ELP4: variants seen among roughly 807,000 people sequenced by gnomAD.
The protein encoded by ELP4 is elongator complex protein 4.
In ELP4, 51 loss-of-function variants were observed where a neutral mutation model predicts 48.9. The ratio of observed to expected loss-of-function variants is 1.04; its 90% confidence interval spans 0.83 to 1.32. ELP4 has a LOEUF of 1.32. Ranked by LOEUF, ELP4 falls within the 40% of genes most tolerant of loss-of-function variation. ELP4 has a pLI of 0.00. For synonymous variants in ELP4, 210 were observed against 189.2 expected (o/e 1.11, Z -0.90); for missense variants, 519 against 514.6 (o/e 1.01, Z -0.08).
intron 5 of ELP4, among the ~76,000 whole-genome samples, chr11:31,611,040 A>G (rs1484795164): frequency 2.0e-5 from 3 of 152,126 alleles, no homozygotes; most frequent in South Asian, 2.1e-4. Context: ...GCTAGCCTAC[A>G]TTACCCACAT....
At chr11:31,618,664 T>G (rs1458498942) in intron 5 of ELP4, among the ~76,000 whole-genome samples, 2 of 152,080 alleles carry the variant, frequency 1.3e-5, no homozygotes, top group Admixed American at 1.3e-4. Flanking sequence ...TGATTTCGTT[T>G]GTGTGAAATA....
chr11:31,513,843 T>G (rs1956055834), intron 1 of ELP4, among the ~76,000 whole-genome samples: 1 of 152,220 alleles, frequency 6.6e-6, no homozygotes, highest in Non-Finnish European at 1.5e-5. Context: ...TGCAAGATCT[T>G]AAATTTTCTA....
intron 8 of ELP4, chr11:31,649,174 T>C (rs1277122553): frequency 1.3e-5 from 2 of 151,728 alleles, no homozygotes; most frequent in Admixed American, 1.3e-4. Flanking sequence ...CTAAGACTAA[T>C]AGATGCATTA....
At chr11:31,539,861 ATGTT>A in intron 3 of ELP4, 78 bp downstream of exon 3, 1 of 1,222,856 alleles carries the variant, frequency 8.2e-7, no homozygotes, top group Non-Finnish European at 1.1e-6. Context: ...AACAAGATAT[ATGTT>A]TGTATATATA....
chr11:31,560,293 T>A (rs1565053447), intron 3 of ELP4, among the ~76,000 whole-genome samples: 1 of 152,146 alleles, frequency 6.6e-6, no homozygotes, highest in Admixed American at 6.5e-5. Flanking sequence ...GAAATAATAA[T>A]GATAGTAAAG....
At chr11:31,545,163 A>G (rs1370188842) in intron 3 of ELP4, among the ~76,000 whole-genome samples, 2 of 152,242 alleles carry the variant, frequency 1.3e-5, no homozygotes, top group South Asian at 2.1e-4. Flanking sequence ...TTGAGAGAAG[A>G]AGGCTTCAGA....
intron 5 of ELP4, among the ~76,000 whole-genome samples, chr11:31,626,656 AGTTT>A (rs1944750323): frequency 6.6e-6 from 1 of 151,834 alleles, no homozygotes; most frequent in African/African-American, 2.4e-5. Context: ...TTATTTTAGA[AGTTT>A]GTTCTAAGAA....
intron 9 of ELP4, among the ~76,000 whole-genome samples, chr11:31,740,984 TC>T (rs1221203166): frequency 6.6e-6 from 1 of 152,162 alleles, no homozygotes; most frequent in Non-Finnish European, 1.5e-5. Context: ...GAATTCCCTT[TC>T]CTAGTCAAAG....
At chr11:31,563,542 C>G (rs1391557595) in intron 3 of ELP4, among the ~76,000 whole-genome samples, 2 of 152,042 alleles carry the variant, frequency 1.3e-5, no homozygotes, top group Non-Finnish European at 2.9e-5. Context: ...TACATAAATA[C>G]TGGAATAATA....
At chr11:31,660,124 A>T (rs753252570) in intron 9 of ELP4, among the ~76,000 whole-genome samples, 5 of 152,208 alleles carry the variant, frequency 3.3e-5, no homozygotes, top group Non-Finnish European at 7.3e-5. Context: ...TATATGAATG[A>T]AAAAAGCTTA....
chr11:31,674,942 A>G (rs192140070), intron 9 of ELP4, among the ~76,000 whole-genome samples: 1 of 148,506 alleles, frequency 6.7e-6, no homozygotes, highest in African/African-American at 2.5e-5. Flanking sequence ...GTACCTAGTT[A>G]AAAAAAAAAG....
At chr11:31,605,328 A>C (rs1239632686) in intron 5 of ELP4, among the ~76,000 whole-genome samples, 1 of 152,056 alleles carries the variant, frequency 6.6e-6, no homozygotes, top group African/African-American at 2.4e-5. Flanking sequence ...AGCTCACTAA[A>C]TTTTTGTTAA....
intron 8 of ELP4, 77 bp from the exon 9 acceptor site, chr11:31,650,038 C>G: frequency 3.5e-6 from 2 of 577,236 alleles, no homozygotes; most frequent in Non-Finnish European, 6.3e-6. Flanking sequence ...TTACAGGATT[C>G]TGCTATAAGA....
intron 9 of ELP4, among the ~76,000 whole-genome samples, chr11:31,714,452 G>A (rs1342341235): frequency 1.3e-5 from 2 of 152,152 alleles, no homozygotes; most frequent in Non-Finnish European, 2.9e-5. Context: ...ACAATCAAGA[G>A]AAATATCACT....
intron 9 of ELP4, chr11:31,653,943 G>T (rs1170924754): frequency 1.3e-5 from 2 of 151,652 alleles, no homozygotes; most frequent in Non-Finnish European, 3.0e-5. Flanking sequence ...AGATTAGGCA[G>T]AATTTGAAAT....
At chr11:31,568,860 A>G (rs980324697) in intron 3 of ELP4, among the ~76,000 whole-genome samples, 1 of 152,050 alleles carries the variant, frequency 6.6e-6, no homozygotes, top group Non-Finnish European at 1.5e-5. Context: ...TGAGGCAGGC[A>G]GATCACCTGA....
At chr11:31,682,032 C>T (rs1216058707) in intron 9 of ELP4, 13 of 1,290,138 alleles carry the variant, frequency 1.0e-5, no homozygotes, top group Middle Eastern at 2.2e-4. Flanking sequence ...TGAGCTACCG[C>T]GCCCGGCCTA....
intron 1 of ELP4, 74 bp downstream of exon 1, chr11:31,510,081 G>A (rs1374703066): frequency 2.9e-6 from 4 of 1,391,728 alleles, no homozygotes; most frequent in Non-Finnish European, 3.0e-6. Context: ...AAGCCACTTT[G>A]ACCCCACATC....
chr11:31,689,300 G>A (rs1946225170), intron 9 of ELP4: 1 of 152,146 alleles, frequency 6.6e-6, no homozygotes, highest in Non-Finnish European at 1.5e-5. Flanking sequence ...TAATTAGCCA[G>A]GTATGGTGGT....
Sources: allele counts gnomAD v4.1 joint callset (sites outside exome capture counted in the v4.1 genomes callset), GRCh38; gene constraint gnomAD v4.1.1; transcripts MANE v1.5; gene names NCBI Gene and HGNC (gene_info 2026-07-23, HGNC 2026-07-21).